The following MAGI2 variants were observed in gnomAD, a reference collection of about 807,000 sequenced individuals.
MAGI2 encodes membrane associated guanylate kinase, WW and PDZ domain containing 2.
In MAGI2, 35 loss-of-function variants were observed where a neutral mutation model predicts 133.3. The ratio of observed to expected loss-of-function variants is 0.26; its 90% CI spans 0.20 to 0.35. MAGI2 has a LOEUF of 0.35. MAGI2 is among the 10% of genes least tolerant of loss of function. The probability of loss-of-function intolerance (pLI) is 1.00; values close to 1 mark genes in which losing one functional copy is unlikely to be tolerated. For synonymous variants in MAGI2, 729 were observed against 710.6 expected (o/e 1.03, Z -0.41); for missense variants, 1,636 against 1,863.4 (o/e 0.88, Z 2.25).
At chr7:78,020,131 G>A (rs1290279594) in intron 21 of MAGI2, among the ~76,000 whole-genome samples, 155 bp from the exon 22 acceptor site, 1 of 143,120 alleles carries the variant, frequency 7.0e-6, no homozygotes, top group African/African-American at 2.6e-5. Flanking sequence ...ACTGCCGAGA[G>A]GGCAGCGGCC....
chr7:78,072,605 A>G (rs987489761), intron 21 of MAGI2: 6 of 257,212 alleles, frequency 2.3e-5, no homozygotes, highest in Middle Eastern at 1.1e-3. Context: ...TTGTATCATT[A>G]GAGGGAAGAA....
chr7:79,077,749 A>G (rs1383769073), intron 1 of MAGI2, among the ~76,000 whole-genome samples: 8 of 152,042 alleles, frequency 5.3e-5, no homozygotes, highest in Non-Finnish European at 1.2e-4. Context: ...CGTGATTAAT[A>G]AATAATATAT....
intron 6 of MAGI2, among the ~76,000 whole-genome samples, chr7:78,435,986 A>G (rs1800247146): frequency 1.3e-5 from 2 of 152,306 alleles, no homozygotes; most frequent in South Asian, 2.1e-4. Context: ...GGGAAATGCC[A>G]TTTTGAACAA....
intron 21 of MAGI2, among the ~76,000 whole-genome samples, chr7:78,027,913 C>T (rs545380179): frequency 3.5e-4 from 54 of 152,316 alleles, no homozygotes; most frequent in African/African-American, 1.2e-3. Flanking sequence ...TTGCAACCTA[C>T]AGTTGTCTGG....
chr7:79,387,225 T>C (rs753489560), intron 1 of MAGI2, among the ~76,000 whole-genome samples: 38 of 151,838 alleles, frequency 2.5e-4, no homozygotes, highest in South Asian at 4.2e-4. Flanking sequence ...CAAGGAATTC[T>C]CTCCTATCTT....
intron 1 of MAGI2, among the ~76,000 whole-genome samples, chr7:79,156,308 A>G (rs1823772709): frequency 6.6e-6 from 1 of 152,042 alleles, no homozygotes; most frequent in African/African-American, 2.4e-5. Context: ...TTTGTGGGGG[A>G]AAATTTGCAT....
At chr7:78,533,964 A>C (rs1405157559) in intron 3 of MAGI2, among the ~76,000 whole-genome samples, 1 of 152,168 alleles carries the variant, frequency 6.6e-6, no homozygotes, top group Non-Finnish European at 1.5e-5. Flanking sequence ...TGCCTGACCA[A>C]GCCAATGACA....
chr7:78,152,137 T>C (rs1013826808), intron 16 of MAGI2, among the ~76,000 whole-genome samples: 4 of 152,152 alleles, frequency 2.6e-5, no homozygotes, highest in African/African-American at 4.8e-5. Context: ...ATAGGCGATG[T>C]TTACTGTTTG....
chr7:78,209,145 C>T (rs1211820400), intron 10 of MAGI2, among the ~76,000 whole-genome samples: 1 of 77,532 alleles, frequency 1.3e-5, no homozygotes, highest in Non-Finnish European at 2.7e-5. Flanking sequence ...TGGCGTGAAC[C>T]CGGGAGGCGG....
At chr7:79,442,468 G>A (rs1848557671) in intron 1 of MAGI2, among the ~76,000 whole-genome samples, 8 of 151,830 alleles carry the variant, frequency 5.3e-5, no homozygotes. Context: ...GTGTGTGTGT[G>A]TGTGTGTGTG....
intron 2 of MAGI2, among the ~76,000 whole-genome samples, chr7:78,790,777 TA>T (rs1423202694): frequency 6.6e-6 from 1 of 151,998 alleles, no homozygotes; most frequent in East Asian, 1.9e-4. Context: ...ATACAAGCAA[TA>T]ACAAAGCTTA....
intron 1 of MAGI2, among the ~76,000 whole-genome samples, chr7:79,098,301 C>T (rs1171668810): frequency 1.3e-5 from 2 of 152,090 alleles, no homozygotes; most frequent in African/African-American, 4.8e-5. Context: ...GCCCTATCAG[C>T]CCTGAACTGC....
chr7:79,339,565 T>C (rs1048265062), intron 1 of MAGI2, among the ~76,000 whole-genome samples: 27 of 152,040 alleles, frequency 1.8e-4, no homozygotes, highest in African/African-American at 6.5e-4. Context: ...TACAATTTAT[T>C]CTGGACTTTT....
intron 6 of MAGI2, among the ~76,000 whole-genome samples, chr7:78,369,589 C>A (rs1036710766): frequency 6.6e-6 from 1 of 152,016 alleles, no homozygotes; most frequent in Admixed American, 6.6e-5. Context: ...AGGACAAAGA[C>A]CACATTTTCA....
intron 2 of MAGI2, among the ~76,000 whole-genome samples, chr7:78,797,231 T>C (rs1382415751): frequency 6.6e-6 from 1 of 152,114 alleles, no homozygotes; most frequent in East Asian, 1.9e-4. Context: ...TGTATCAAAA[T>C]ATCATATGTA....
chr7:78,649,237 A>AAAAAAAG (rs375762281), intron 2 of MAGI2, among the ~76,000 whole-genome samples: 25,502 of 65,784 alleles, frequency 0.39, 3,207 homozygotes, highest in East Asian at 0.64. Flanking sequence ...AAAAAAAAAG[A>AAAAAAAG]AAAAAAAAGA....
intron 1 of MAGI2, among the ~76,000 whole-genome samples, chr7:79,251,626 G>A (rs552181424): frequency 3.3e-5 from 5 of 152,214 alleles, no homozygotes; most frequent in South Asian, 4.2e-4. Context: ...ATCTTTGTAC[G>A]CTGTTGGTGG....
intron 2 of MAGI2, among the ~76,000 whole-genome samples, chr7:78,923,266 C>A (rs1334385801): frequency 6.6e-6 from 1 of 152,156 alleles, no homozygotes; most frequent in African/African-American, 2.4e-5. Context: ...GAAGTCCTTG[C>A]CCATGCCCAT....
chr7:78,969,254 C>G (rs1380971214), intron 2 of MAGI2, among the ~76,000 whole-genome samples: 1 of 152,072 alleles, frequency 6.6e-6, no homozygotes, highest in African/African-American at 2.4e-5. Context: ...AATGGCACAC[C>G]TGGTCAAACC....
Sources: gnomAD v4.1 joint callset for allele counts (sites outside exome capture counted in the v4.1 genomes callset) on GRCh38, gnomAD v4.1.1 for gene constraint, MANE v1.5 for transcripts, NCBI Gene and HGNC (gene_info 2026-07-23, HGNC 2026-07-21) for gene names.